SHANK1: variants seen among roughly 807,000 people sequenced by gnomAD.
SHANK1 encodes SH3 and multiple ankyrin repeat domains protein 1.
In SHANK1, 35 loss-of-function variants were observed where a neutral mutation model predicts 165.6. That is an observed-to-expected ratio of 0.21 (90% CI 0.16 to 0.28). The LOEUF (loss-of-function observed/expected upper bound fraction) is 0.28, where lower values mean the gene tolerates loss of function less well. SHANK1 is among the 10% of genes least tolerant of loss of function. The probability of loss-of-function intolerance (pLI) is 1.00; values close to 1 mark genes in which losing one functional copy is unlikely to be tolerated. For missense variants in SHANK1, 2,681 were observed against 3,036.4 expected (o/e 0.88, Z 2.75); for synonymous variants, 1,428 against 1,384.8 (o/e 1.03, Z -0.69).
In SHANK1 at chr19:50,660,999, T is replaced by G. The variant is rs967452212; in HGVS notation, c.*966A>C. 7.3e-5 allele frequency among the ~76,000 whole-genome samples: 11 copies of G among 151,526 alleles called. No individual in the cohort carries two copies. Among genetic ancestry groups the G allele is most frequent in the African/African-American group, 2.7e-4 (11 of 41,184 alleles). The stretch of plus-strand genomic sequence containing the variant: ...GGGAGAGTTGGGGAGTGGAAGAATC[T>G]GGGGTTTTTAAGAATAAGAAGGGAA... On this transcript the variant is annotated 3_prime_UTR_variant, in exon 24 of 24. Transcript: ENST00000293441.
intron 10 of SHANK1, 21 bp downstream of exon 10, chr19:50,704,099 T>A: frequency 6.2e-7 from 1 of 1,612,102 alleles, no homozygotes; most frequent in Non-Finnish European, 8.5e-7. Flanking sequence ...CTCTGTGCAG[T>A]CCGAGCTCCC....
chr19:50,710,054 G>A (rs187617966), intron 8 of SHANK1, among the ~76,000 whole-genome samples: 1 of 152,298 alleles, frequency 6.6e-6, no homozygotes, highest in Admixed American at 6.5e-5. Context: ...GAAGGATGGA[G>A]CCTCAAAGAG....
intron 21 of SHANK1, among the ~76,000 whole-genome samples, chr19:50,673,574 C>A (rs1454977881): frequency 2.0e-5 from 3 of 152,126 alleles, no homozygotes; most frequent in Non-Finnish European, 4.4e-5. Context: ...TTCACAGCAT[C>A]TCTCTTCCCC....
chr19:50,717,741 G>A lies in SHANK1; in HGVS notation c.-43-779C>T, dbSNP rs1041414587. 4.6e-5 allele frequency among the ~76,000 whole-genome samples: 7 copies of A among 152,000 alleles called. No homozygotes were observed. The highest frequency in any genetic ancestry group is 1.7e-4 in the African/African-American group (7 of 41,368). ...CAGGTGACAGTGGTGTGGTGGCCCG[G>A]GTAGATGTGGGTGGCTGCAGATGAC... On this transcript the variant is annotated intron_variant, in intron 1 of 23. Coordinates refer to ENST00000293441, the MANE Select transcript of SHANK1 (RefSeq NM_016148.5). This position sits in a 1 kb window ranked among gnomAD's most constrained non-coding sequence, Gnocchi z 5.5.
At position 50,697,407 on chromosome 19, in the gene SHANK1, G is replaced by A. The variant is rs184202038; in HGVS notation, c.1937+182C>T. 7.2e-4 allele frequency among the ~76,000 whole-genome samples: 109 copies of A among 152,290 alleles called. No homozygotes were observed. Among genetic ancestry groups the A allele is most frequent in the African/African-American group, 2.5e-3 (104 of 41,564 alleles). ...GAGCTGGGCAGTCTTAGTGGCTGCC[G>A]AAGATGGTTTGGGGTTGGGCTGTAC... On this transcript the variant is annotated intron_variant, in intron 14 of 23. Transcript: ENST00000293441. The surrounding 1 kb of genome is among the most constrained non-coding windows in gnomAD (Gnocchi z 4.7).
chr19:50,682,922 C>G (rs1986221148), intron 21 of SHANK1, among the ~76,000 whole-genome samples: 1 of 152,138 alleles, frequency 6.6e-6, no homozygotes, highest in African/African-American at 2.4e-5. Context: ...ACCTCGGAGG[C>G]TCAGGTGATC....
intron 15 of SHANK1, among the ~76,000 whole-genome samples, chr19:50,696,570 C>T (rs1429338159): frequency 1.3e-5 from 2 of 152,100 alleles, no homozygotes; most frequent in Non-Finnish European, 2.9e-5. Flanking sequence ...ATGACCCTCC[C>T]TCCCCCACAG....
chr19:50,711,431 C>T lies in SHANK1; in HGVS notation c.1017G>A (p.Glu339=). 1 of 1,563,572 alleles carries T rather than the reference C, an allele frequency of 6.4e-7. No individual in the cohort carries two copies. The highest frequency in any genetic ancestry group is 8.7e-7 in the Non-Finnish European group (1 of 1,154,026). ...TCCCCGAGGCGTTCTGGGCTCCAGG[C>T]TCAGCCCCGTAGAAAAGCAGATGCT... ...HLEHLLFYGA[E]PGAQNASGNT... Residue 339 remains glutamate (E), a synonymous_variant, in exon 8 of 24, where the codon GAG becomes GAA. Coordinates refer to ENST00000293441, the MANE Select transcript of SHANK1 (RefSeq NM_016148.5).
At chr19:50,708,336 C>G (rs907279931) in intron 8 of SHANK1, among the ~76,000 whole-genome samples, 1 of 152,172 alleles carries the variant, frequency 6.6e-6, no homozygotes, top group African/African-American at 2.4e-5. Context: ...CCTACTCTTA[C>G]AAAGCTGAGA....
chr19:50,715,557 A>C (rs2089059902), intron 4 of SHANK1, 102 bp downstream of exon 4: 14 of 979,980 alleles, frequency 1.4e-5, no homozygotes, highest in Non-Finnish European at 2.1e-5. Context: ...GGCTTGGGGA[A>C]TGTGGAGGTC....
intron 21 of SHANK1, among the ~76,000 whole-genome samples, chr19:50,678,336 AG>A (rs1986046397): frequency 6.6e-6 from 1 of 152,052 alleles, no homozygotes; most frequent in Non-Finnish European, 1.5e-5. Flanking sequence ...TGGAGAGGAC[AG>A]CAAGAACAGA....
chr19:50,685,706 A>G (rs1003755384), intron 21 of SHANK1, among the ~76,000 whole-genome samples: 14 of 152,204 alleles, frequency 9.2e-5, no homozygotes, highest in African/African-American at 3.4e-4. Context: ...CCTGGGCGAC[A>G]GAGTGAGACT....
chr19:50,684,317 G>A (rs1197572433), intron 21 of SHANK1, among the ~76,000 whole-genome samples: 3 of 151,784 alleles, frequency 2.0e-5, no homozygotes, highest in African/African-American at 4.8e-5. Flanking sequence ...CCCCCGCCTC[G>A]CGGGTTCAAG....
chr19:50,664,059 C>A (rs1385011741), intron 23 of SHANK1, among the ~76,000 whole-genome samples: 5 of 150,812 alleles, frequency 3.3e-5, no homozygotes, highest in African/African-American at 4.9e-5. Flanking sequence ...CCCACCTCAG[C>A]CTCCTGAGTA....
At position 50,667,562 on chromosome 19, in the gene SHANK1, G is replaced by C; in HGVS notation, c.4398C>G (p.Pro1466=). 4.1e-6 allele frequency: 6 copies of C among 1,459,048 alleles called. No individual in the cohort carries two copies. The highest frequency in any genetic ancestry group is 5.4e-6 in the Non-Finnish European group (6 of 1,117,730). The allele number at this position is 1,459,048 out of a possible 1,614,324, so 90.4% of individuals were successfully genotyped here. ...TGCTTACTCCGGGGTGCGGGGCCGG[G>C]GGCTCCGTCCCCAGCTGCAGCAGGA... ...GPLLLQLGTE[P]PAPHPGVSKP... Residue 1466 remains proline, a synonymous_variant, in exon 23 of 24, where the codon CCC becomes CCG. Coordinates refer to ENST00000293441, the MANE Select transcript of SHANK1 (RefSeq NM_016148.5). The surrounding 1 kb of genome is among the most constrained non-coding windows in gnomAD (Gnocchi z 5.7).
chr19:50,694,313 C>T (rs144823707), intron 15 of SHANK1, among the ~76,000 whole-genome samples: 57 of 147,764 alleles, frequency 3.9e-4, no homozygotes, highest in African/African-American at 1.4e-3. Context: ...GAGGGGAAGC[C>T]GGGGGCGGGA....
rs747524823 is a variant in SHANK1 at position 50,667,037 on chromosome 19, A to C, written c.4923T>G (p.Ala1641=). The C allele has an allele frequency of 6.5e-7, 1 of 1,546,904 alleles. No individual in the cohort carries two copies. The highest frequency in any genetic ancestry group is 8.7e-7 in the Non-Finnish European group (1 of 1,150,280). ...GGCCTGGTGGATGGGGGTCCCCAGG[A>C]GCGGCGGAGGCCCCCTGGGTCAGGG... ...VATLTQGASA[A]PGDPHPPGPP... The change falls in exon 23 of 24, where the codon GCT becomes GCG. Residue 1641 remains alanine, a synonymous_variant. Coordinates refer to ENST00000293441, the MANE Select transcript of SHANK1 (RefSeq NM_016148.5). The surrounding 1 kb of genome is among the most constrained non-coding windows in gnomAD (Gnocchi z 5.7).
At chr19:50,663,924 TTCTCTCTC>T (rs59638184) in intron 23 of SHANK1, among the ~76,000 whole-genome samples, 2 of 113,590 alleles carry the variant, frequency 1.8e-5, no homozygotes, top group South Asian at 5.5e-4. Flanking sequence ...TTTCTTTTCT[TTCTCTCTC>T]TCTCTCTCTT....
chr19:50,662,625 C>T lies in SHANK1; in HGVS notation c.5826G>A (p.Gln1942=). The change falls in exon 24 of 24, where the codon CAG becomes CAA. Residue 1942 remains glutamine (Q), a synonymous_variant. Coordinates refer to ENST00000293441, the MANE Select transcript of SHANK1 (RefSeq NM_016148.5). The surrounding 1 kb of genome is among the most constrained non-coding windows in gnomAD (Gnocchi z 7.7). ...GCGGCAGAGGTGGTTTGGGCCAGTT[C>T]TGAAACAGGCTGCTGACAGGCTTGG... The part of the protein sequence containing the change: ...LLSKPVSSLF[Q]NWPKPPLPPL... The T allele has an allele frequency of 1.3e-6, 2 of 1,564,986 alleles. No individual in the cohort carries two copies. The highest frequency in any genetic ancestry group is 8.7e-7 in the Non-Finnish European group (1 of 1,154,846).
Sources: allele counts gnomAD v4.1 joint callset (sites outside exome capture counted in the v4.1 genomes callset), GRCh38; gene constraint gnomAD v4.1.1; non-coding constraint Gnocchi (gnomAD v3.1); transcripts MANE v1.5; gene names NCBI Gene and HGNC (gene_info 2026-07-23, HGNC 2026-07-21).